Variants in PCSK2 observed in about 807,000 individuals in gnomAD.
PCSK2 encodes proprotein convertase subtilisin/kexin type 2.
In PCSK2, 14 loss-of-function variants were observed where a neutral mutation model predicts 69.7. The ratio of observed to expected loss-of-function variants is 0.20; its 90% CI spans 0.13 to 0.31. PCSK2 has a LOEUF of 0.31. PCSK2 is among the 10% of genes least tolerant of loss of function. PCSK2 has a pLI of 1.00. For synonymous variants in PCSK2, 307 were observed against 320.7 expected (o/e 0.96, Z 0.46); for missense variants, 544 against 842.5 (o/e 0.65, Z 4.39).
intron 11 of PCSK2, chr20:17,479,239 T>A (rs1454914777): frequency 1.6e-6 from 2 of 1,266,986 alleles, no homozygotes; most frequent in Non-Finnish European, 2.3e-6. Context: ...CATTTCACAA[T>A]ACATTTATAA....
intron 2 of PCSK2, among the ~76,000 whole-genome samples, chr20:17,269,730 G>C (rs970907602): frequency 2.2e-4 from 34 of 152,096 alleles, no homozygotes; most frequent in Non-Finnish European, 1.3e-4. Context: ...ACCGCGTTCT[G>C]CAAGCTGCCA....
At chr20:17,304,653 G>T (rs1989269953) in intron 2 of PCSK2, among the ~76,000 whole-genome samples, 1 of 152,128 alleles carries the variant, frequency 6.6e-6, no homozygotes, top group Non-Finnish European at 1.5e-5. Context: ...AAATCTGTGA[G>T]CCTGATGGGA....
chr20:17,254,413 A>G (rs1445289527), intron 1 of PCSK2, among the ~76,000 whole-genome samples: 1 of 152,128 alleles, frequency 6.6e-6, no homozygotes. Context: ...TTTTCATGTG[A>G]ATATCTAATT....
At chr20:17,388,973 G>C (rs1478147055) in intron 5 of PCSK2, among the ~76,000 whole-genome samples, 1 of 152,120 alleles carries the variant, frequency 6.6e-6, no homozygotes, top group East Asian at 1.9e-4. Context: ...CTTTGATTAT[G>C]ATGATCAACC....
chr20:17,330,634 T>A (rs953951235), intron 2 of PCSK2, among the ~76,000 whole-genome samples: 13 of 151,712 alleles, frequency 8.6e-5, no homozygotes, highest in Admixed American at 8.5e-4. Flanking sequence ...AATACATAAA[T>A]TAAAATAAAA....
intron 2 of PCSK2, among the ~76,000 whole-genome samples, chr20:17,353,472 A>AAC (rs2030075531): frequency 6.6e-6 from 1 of 151,642 alleles, no homozygotes; most frequent in Admixed American, 6.6e-5. Flanking sequence ...ACACAAAAAA[A>AAC]AAAAAAAAGT....
At chr20:17,369,503 A>G (rs971634750) in intron 5 of PCSK2, among the ~76,000 whole-genome samples, 9 of 152,056 alleles carry the variant, frequency 5.9e-5, no homozygotes, top group African/African-American at 2.2e-4. Flanking sequence ...AGCACAAAAG[A>G]TGCACACGTA....
Position 17,404,862 on chromosome 20 carries a change from CACA to C in PCSK2, c.544-4398_544-4396del, listed in dbSNP as rs573204817. Among the ~76,000 whole-genome samples, 1,196 of 152,314 alleles carry C rather than the reference CACA, an allele frequency of 7.9e-3. 10 individuals are homozygous for C. The highest frequency in any genetic ancestry group is 0.012 in the Non-Finnish European group (836 of 68,034). ...TACTTTAGGCTTTGTGGGGTTTTGTCACAACGACTTATCTCTGCTGTTAGAGTG... is the reference window on the plus strand; with the variant it reads ...TACTTTAGGCTTTGTGGGGTTTTGTCACGACTTATCTCTGCTGTTAGAGTG... On this transcript the variant is annotated intron_variant, in intron 5 of 11. Coordinates refer to ENST00000262545, the MANE Select transcript of PCSK2 (RefSeq NM_002594.5).
chr20:17,279,219 G>C (rs1043946580), intron 2 of PCSK2, among the ~76,000 whole-genome samples: 1 of 152,090 alleles, frequency 6.6e-6, no homozygotes, highest in Non-Finnish European at 1.5e-5. Flanking sequence ...TTTAATCTGC[G>C]TTCAAATCAA....
At chr20:17,308,919 C>G (rs931874556) in intron 2 of PCSK2, among the ~76,000 whole-genome samples, 14 of 152,272 alleles carry the variant, frequency 9.2e-5, no homozygotes, top group Middle Eastern at 3.4e-3. Flanking sequence ...AACTCACACA[C>G]CACCACTTCT....
chr20:17,364,677 C>T (rs1201704652), intron 4 of PCSK2, among the ~76,000 whole-genome samples: 4 of 152,190 alleles, frequency 2.6e-5, no homozygotes, highest in Non-Finnish European at 5.9e-5. Context: ...GAGGACACAG[C>T]CAAACCATAT....
chr20:17,304,450 C>A (rs1989263579), intron 2 of PCSK2, among the ~76,000 whole-genome samples: 2 of 152,124 alleles, frequency 1.3e-5, no homozygotes. Context: ...GATTTCTTAT[C>A]TTTTTAAGAG....
At chr20:17,469,068 A>T (rs2269034) in intron 11 of PCSK2, among the ~76,000 whole-genome samples, 1 of 152,082 alleles carries the variant, frequency 6.6e-6, no homozygotes, top group Non-Finnish European at 1.5e-5. Flanking sequence ...AAGTGATGTT[A>T]CAAATGTCCT....
chr20:17,417,170 T>TA (rs1056066970), intron 6 of PCSK2, among the ~76,000 whole-genome samples: 2 of 151,918 alleles, frequency 1.3e-5, no homozygotes, highest in Admixed American at 6.6e-5. Flanking sequence ...ACTTAAAGTA[T>TA]AAAAAAAAGA....
intron 2 of PCSK2, among the ~76,000 whole-genome samples, chr20:17,280,276 G>A (rs1988257500): frequency 6.6e-6 from 1 of 152,174 alleles, no homozygotes; most frequent in African/African-American, 2.4e-5. Flanking sequence ...ATTAATGACT[G>A]CATAAGATTC....
chr20:17,264,795 A>T (rs1255731402), intron 2 of PCSK2, among the ~76,000 whole-genome samples: 1 of 152,204 alleles, frequency 6.6e-6, no homozygotes, highest in African/African-American at 2.4e-5. Flanking sequence ...ATTATTTATT[A>T]TAAATTAAAA....
intron 11 of PCSK2, among the ~76,000 whole-genome samples, chr20:17,471,291 G>C (rs770808848): frequency 1.3e-5 from 2 of 152,176 alleles, no homozygotes; most frequent in African/African-American, 2.4e-5. Context: ...AGGAATCTGA[G>C]GTCCGGAGAT....
At chr20:17,341,384 A>G (rs1430435302) in intron 2 of PCSK2, among the ~76,000 whole-genome samples, 1 of 152,234 alleles carries the variant, frequency 6.6e-6, no homozygotes, top group Admixed American at 6.5e-5. Context: ...CACACACTTG[A>G]AAGTTGTGAT....
intron 2 of PCSK2, among the ~76,000 whole-genome samples, chr20:17,345,066 C>T (rs747733456): frequency 2.6e-5 from 4 of 152,146 alleles, no homozygotes; most frequent in Non-Finnish European, 4.4e-5. Context: ...GACTTGTTTT[C>T]CAAATCTTTT....
Sources: allele counts gnomAD v4.1 joint callset (sites outside exome capture counted in the v4.1 genomes callset), GRCh38; gene constraint gnomAD v4.1.1; transcripts MANE v1.5; gene names NCBI Gene and HGNC (gene_info 2026-07-23, HGNC 2026-07-21).